Variants in NXNL2 observed in about 807,000 individuals in gnomAD.
The protein encoded by NXNL2 is nucleoredoxin like 2, also known as nucleoredoxin-like protein 2.
In NXNL2, 7 loss-of-function variants were observed where a neutral mutation model predicts 11.1. The observed-to-expected ratio is 0.63, with a 90% CI of 0.36 to 1.18. The LOEUF (loss-of-function observed/expected upper bound fraction) is 1.18, where lower values mean the gene tolerates loss of function less well. Among genes scored for constraint, NXNL2 ranks in the 50% most tolerant of loss-of-function variants. NXNL2 has a pLI of 0.02. For synonymous variants in NXNL2, 109 were observed against 101.8 expected, an observed-to-expected ratio of 1.07 and a Z score of -0.42; for missense variants, 233 against 217.7, an observed-to-expected ratio of 1.07 and a Z score of -0.44.
chr9:88,545,575 T>G (rs2118431640), downstream of NXNL2, among the ~76,000 whole-genome samples: 1 of 152,172 alleles, frequency 6.6e-6, no homozygotes, highest in Non-Finnish European at 1.5e-5. Flanking sequence ...ATTAGTCCCT[T>G]CAATCTCCCT....
chr9:88,580,649 G>T (rs116040747), downstream of NXNL2, among the ~76,000 whole-genome samples: 826 of 152,242 alleles, frequency 5.4e-3, 5 homozygotes, highest in African/African-American at 0.019. Flanking sequence ...AGTTTCCCCA[G>T]TGTTTACACC....
intron 1 of NXNL2, among the ~76,000 whole-genome samples, chr9:88,557,369 C>T (rs1830031414): frequency 6.6e-6 from 1 of 152,192 alleles, no homozygotes; most frequent in Non-Finnish European, 1.5e-5. Context: ...TCCTTTCATG[C>T]TGGGCATCAA....
chr9:88,559,411 A>C (rs1830058736), intron 1 of NXNL2, among the ~76,000 whole-genome samples: 1 of 152,236 alleles, frequency 6.6e-6, no homozygotes, highest in Non-Finnish European at 1.5e-5. Flanking sequence ...CCTGAGACTC[A>C]GAGCTTTGCC....
At chr9:88,546,992 C>T (rs1261422135), downstream of NXNL2, among the ~76,000 whole-genome samples, 4 of 152,162 alleles carry the variant, frequency 2.6e-5, no homozygotes, top group East Asian at 7.7e-4. Flanking sequence ...TGCTTTTCAT[C>T]TTTATACACT....
chr9:88,550,217 C>T (rs1312855924), intron 1 of NXNL2, among the ~76,000 whole-genome samples: 1 of 152,142 alleles, frequency 6.6e-6, no homozygotes, highest in African/African-American at 2.4e-5. Context: ...AGAAATCCAC[C>T]CCCATGATCC....
intron 1 of NXNL2, among the ~76,000 whole-genome samples, chr9:88,555,807 A>G (rs566414160): frequency 6.6e-6 from 1 of 152,136 alleles, no homozygotes; most frequent in Non-Finnish European, 1.5e-5. Flanking sequence ...CTACTGTCCC[A>G]GATCCTTCAC....
At chr9:88,546,414 C>CT (rs956682156), downstream of NXNL2, among the ~76,000 whole-genome samples, 1,167 of 110,136 alleles carry the variant, frequency 0.011, 21 homozygotes, top group African/African-American at 0.018. Flanking sequence ...AAGACACATT[C>CT]TTTTTTTTTT....
At chr9:88,564,605 G>A (rs188200599) in intron 1 of NXNL2, among the ~76,000 whole-genome samples, 3 of 151,956 alleles carry the variant, frequency 2.0e-5, no homozygotes, top group East Asian at 3.9e-4. Context: ...TAGTAGAGAC[G>A]GGGTTTCTCC....
At chr9:88,576,428 C>T (rs998670430), downstream of NXNL2, among the ~76,000 whole-genome samples, 4 of 152,144 alleles carry the variant, frequency 2.6e-5, no homozygotes, top group Non-Finnish European at 4.4e-5. Flanking sequence ...CAGGTTTCCT[C>T]GTGATGTCCA....
At chr9:88,559,018 A>T (rs1587849942) in intron 1 of NXNL2, among the ~76,000 whole-genome samples, 1 of 152,144 alleles carries the variant, frequency 6.6e-6, no homozygotes, top group Non-Finnish European at 1.5e-5. Flanking sequence ...ATGCTGAGCA[A>T]ATAGATGTCT....
In NXNL2 at chr9:88,572,913, T is replaced by G. The variant is rs1264843170; in HGVS notation, c.*16+1705T>G. Among the ~76,000 whole-genome samples the G allele has an allele frequency of 2.0e-5, 3 of 152,318 alleles. No individual in the cohort carries two copies. In the East Asian group the frequency reaches 5.8e-4, roughly 29 times the overall value. Reference sequence around the variant, plus strand: ...TCAGTCTGTGTCCCACAAGAGGCCATTGTGCAGAGACTTTGCTGCCAGCAC... The same window carrying G: ...TCAGTCTGTGTCCCACAAGAGGCCAGTGTGCAGAGACTTTGCTGCCAGCAC... On this transcript the variant is annotated intron_variant, in intron 2 of 2. Coordinates refer to the NXNL2 transcript ENST00000375855.
chr9:88,573,224 G>C (rs1363126007), intron 2 of NXNL2, among the ~76,000 whole-genome samples: 1 of 151,808 alleles, frequency 6.6e-6, no homozygotes, highest in African/African-American at 2.4e-5. Context: ...GCTCATTGCA[G>C]CCTCTACCTC....
intron 1 of NXNL2, among the ~76,000 whole-genome samples, chr9:88,536,516 A>C (rs1169852336): frequency 3.9e-5 from 6 of 152,054 alleles, no homozygotes; most frequent in Admixed American, 3.9e-4. Flanking sequence ...CTTAGGTTTA[A>C]AGCAGGCCTC....
At position 88,540,372 on chromosome 9, in the gene NXNL2, A is replaced by G. The variant is rs549068547; in HGVS notation, c.303-4007A>G. Among the ~76,000 whole-genome samples, 26 of 151,244 alleles carry G rather than the reference A, an allele frequency of 1.7e-4. No individual in the cohort carries two copies. The East Asian group carries it at 4.9e-3, about 28-fold the overall frequency. On this transcript the variant is annotated intron_variant, in intron 1 of 1. Transcript: ENST00000375854. The stretch of plus-strand genomic sequence containing the variant: ...ATAGGTGTTGTGCAGGATTCTTAAG[A>G]TGCTAGAGAGGGACATCTCTGCCAC...
intron 1 of NXNL2, among the ~76,000 whole-genome samples, chr9:88,551,471 G>A (rs1360347336): frequency 6.6e-6 from 1 of 151,912 alleles, no homozygotes; most frequent in Non-Finnish European, 1.5e-5. Flanking sequence ...TGTTGTCTGA[G>A]TCAGTTTCTC....
intron 1 of NXNL2, among the ~76,000 whole-genome samples, chr9:88,542,829 TG>T (rs756424771): frequency 6.6e-6 from 1 of 152,150 alleles, no homozygotes; most frequent in Admixed American, 6.5e-5. Context: ...TGCCAGAAAG[TG>T]GCAGGAAGAA....
downstream of NXNL2, among the ~76,000 whole-genome samples, chr9:88,578,164 A>G (rs1290757153): frequency 6.6e-6 from 1 of 152,224 alleles, no homozygotes; most frequent in Non-Finnish European, 1.5e-5. Flanking sequence ...GTTAATCTCC[A>G]AGAGAAAATG....
At chr9:88,570,608 A>G (rs1037863506) in intron 1 of NXNL2, among the ~76,000 whole-genome samples, 4 of 152,150 alleles carry the variant, frequency 2.6e-5, no homozygotes, top group Non-Finnish European at 4.4e-5. Flanking sequence ...CTGTTGGGGG[A>G]ATAGATGGAT....
At chr9:88,552,615 T>C (rs993769308) in intron 1 of NXNL2, among the ~76,000 whole-genome samples, 5 of 151,852 alleles carry the variant, frequency 3.3e-5, no homozygotes, top group Admixed American at 6.6e-5. Flanking sequence ...GGACTACAGG[T>C]GCCCACCACC....
Sources: gnomAD v4.1 joint callset for allele counts (sites outside exome capture counted in the v4.1 genomes callset) on GRCh38, gnomAD v4.1.1 for gene constraint, MANE v1.5 for transcripts, NCBI Gene and HGNC (gene_info 2026-07-23, HGNC 2026-07-21) for gene names.